The following GATA3 variants were observed in gnomAD, a reference collection of about 807,000 sequenced individuals.
GATA3 encodes GATA binding protein 3.
Under a neutral mutation model 36.0 loss-of-function variants are expected in GATA3, and 6 were observed. The observed-to-expected ratio is 0.17, with a 90% confidence interval of 0.09 to 0.33. The LOEUF is 0.33. GATA3 is among the 10% of genes least tolerant of loss of function. The pLI, the probability that GATA3 is intolerant of heterozygous loss-of-function variation, is 1.00. For missense variants in GATA3, 514 were observed against 610.1 expected (o/e 0.84, Z 1.66); for synonymous variants, 326 against 273.0 (o/e 1.19, Z -1.92).
At chr10:8,059,427 A>T (rs925617777) in intron 3 of GATA3, among the ~76,000 whole-genome samples, 2 of 152,252 alleles carry the variant, frequency 1.3e-5, no homozygotes, top group African/African-American at 4.8e-5. Flanking sequence ...TCTCAGCTGA[A>T]CTGGGAGAAA....
In GATA3 at chr10:8,058,465, C is replaced by A; in HGVS notation, c.402C>A (p.Pro134=). 4 of 1,612,826 alleles carry A rather than the reference C, an allele frequency of 2.5e-6. No homozygotes were observed. Among genetic ancestry groups the A allele is most frequent in the Non-Finnish European group, 3.4e-6 (4 of 1,179,866 alleles). Residue 134 remains proline (P), a synonymous_variant, in exon 3 of 6, where the codon CCC becomes CCA. Transcript: ENST00000379328. ...HGSPGPLSVY[P]PASSSSLSGG... ...CCCCGGGGCCCCTCTCCGTCTACCC[C>A]CCGGCCTCGTCCTCCTCCTTGTCGG...
At position 8,058,474 on chromosome 10, in the gene GATA3, G is replaced by C. The variant is rs745734873; in HGVS notation, c.411G>C (p.Ser137=). 15 of 1,612,468 alleles carry C rather than the reference G, an allele frequency of 9.3e-6. No individual in the cohort carries two copies. The highest frequency in any genetic ancestry group is 1.3e-5 in the Non-Finnish European group (15 of 1,179,794). The change falls in exon 3 of 6, where the codon TCG becomes TCC. Residue 137 remains serine (S), a synonymous_variant. Transcript: ENST00000379328. ...PGPLSVYPPA[S]SSSLSGGHAS... ...CCCTCTCCGTCTACCCCCCGGCCTC[G>C]TCCTCCTCCTTGTCGGGGGGCCACG...
intron 1 of GATA3, among the ~76,000 whole-genome samples, chr10:8,048,239 G>C (rs1405925216): frequency 6.6e-6 from 1 of 152,352 alleles, no homozygotes; most frequent in Middle Eastern, 3.4e-3. Flanking sequence ...GGGCTCAGGA[G>C]CTGGGTGGCT....
chr10:8,069,462 C>G lies in GATA3; in HGVS notation c.925-11C>G, dbSNP rs890752735. The G allele has an allele frequency of 1.2e-6, 2 of 1,613,312 alleles. No individual in the cohort carries two copies. Among genetic ancestry groups the G allele is most frequent in the Admixed American group, 1.7e-5 (1 of 59,992 alleles). ...TTTTGATTTCACCCTCTCCTCTCTC[C>G]CCACTCTCAGTCTGCAGCCAGGAGA... On this transcript the variant is annotated splice_polypyrimidine_tract_variant and intron_variant, in intron 4 of 5. Coordinates refer to ENST00000379328, the MANE Select transcript of GATA3 (RefSeq NM_001002295.2).
intron 2 of GATA3, among the ~76,000 whole-genome samples, chr10:8,057,312 G>T (rs1045044878): frequency 6.6e-6 from 1 of 152,158 alleles, no homozygotes; most frequent in Non-Finnish European, 1.5e-5. Context: ...GTGTGGATTT[G>T]CACTTGCTTT....
chr10:8,049,049 C>T (rs972489364), upstream of GATA3, among the ~76,000 whole-genome samples: 3 of 148,786 alleles, frequency 2.0e-5, no homozygotes, highest in Non-Finnish European at 4.5e-5. Flanking sequence ...GGTTTCCTTC[C>T]GAGTTTTAAA....
rs944141505 is a variant in GATA3 at position 8,074,762 on chromosome 10, T to C, written c.*739T>C. On this transcript the variant is annotated 3_prime_UTR_variant, in exon 6 of 6. Transcript: ENST00000379328. ...GATGTAGATTTATTTCATCATATTATACAGACCGAACTGTTGTATAAATTT... is the reference window on the plus strand; with the variant it reads ...GATGTAGATTTATTTCATCATATTACACAGACCGAACTGTTGTATAAATTT... 134 of 233,744 alleles carry C rather than the reference T, an allele frequency of 5.7e-4. No individual in the cohort carries two copies. The highest frequency in any genetic ancestry group is 8.4e-4 in the Non-Finnish European group (99 of 118,058). 14.5% of individuals were successfully genotyped at this position (233,744 alleles called of 1,614,324 possible). A position where few individuals can be genotyped will look rare whatever the true frequency, so the allele number is the denominator to read the frequency against.
At position 8,058,293 on chromosome 10, in the gene GATA3, G is replaced by A. The variant is rs765994796; in HGVS notation, c.242-12G>A. On this transcript the variant is annotated splice_polypyrimidine_tract_variant and intron_variant, in intron 2 of 5. Coordinates refer to ENST00000379328, the MANE Select transcript of GATA3 (RefSeq NM_001002295.2). The stretch of plus-strand genomic sequence containing the variant: ...TCCTTCTCTCTCCTGCCCTTTCCCC[G>A]TTGCCCCACAGGGAGCCAGGTGTGC... 7 of 1,613,344 alleles carry A rather than the reference G, an allele frequency of 4.3e-6. No homozygotes were observed. Among genetic ancestry groups the A allele is most frequent in the South Asian group, 3.3e-5 (3 of 91,078 alleles).
At chr10:8,065,978 AAAAG>A (rs1358869241) in intron 4 of GATA3, among the ~76,000 whole-genome samples, 38 of 147,680 alleles carry the variant, frequency 2.6e-4, no homozygotes, top group African/African-American at 7.9e-4. Context: ...AAAAAAAAAA[AAAAG>A]AGAGAGAGAG....
At chr10:8,062,375 T>A (rs1227050362) in intron 3 of GATA3, among the ~76,000 whole-genome samples, 5 of 150,840 alleles carry the variant, frequency 3.3e-5, no homozygotes, top group African/African-American at 1.2e-4. Flanking sequence ...TTTTTTTTTT[T>A]TTAAAAAACA....
chr10:8,073,793 A>G lies in GATA3; in HGVS notation c.1105A>G (p.Met369Val), dbSNP rs2131520462. The change falls in exon 6 of 6, where the codon ATG becomes GTG. Residue 369 changes from methionine to valine, a missense_variant. Met to Val is a conservative substitution (Grantham distance 21). This residue lies in a region of GATA3 where 89 missense variants were observed against 104.2 expected (regional missense o/e 0.85). Coordinates refer to ENST00000379328, the MANE Select transcript of GATA3 (RefSeq NM_001002295.2). ...KEGIQTRNRK[M>V]SSKSKKCKKV... is the part of the protein sequence containing the mutation. ...AGGCATCCAGACCAGAAACCGAAAA[A>G]TGTCTAGCAAATCCAAAAAGTGCAA... 1 of 1,614,136 alleles carries G rather than the reference A, an allele frequency of 6.2e-7. No individual in the cohort carries two copies. The highest frequency in any genetic ancestry group is 8.5e-7 in the Non-Finnish European group (1 of 1,180,022).
chr10:8,073,279 C>T (rs1425830812), intron 5 of GATA3, among the ~76,000 whole-genome samples: 1 of 151,684 alleles, frequency 6.6e-6, no homozygotes, highest in Non-Finnish European at 1.5e-5. Context: ...GAGAGGCAAC[C>T]GAAAGTTACT....
At chr10:8,050,527 C>T (rs1832456903), upstream of GATA3, 2 of 159,712 alleles carry the variant, frequency 1.3e-5, no homozygotes, top group South Asian at 1.7e-4. Context: ...GACTTCTCCT[C>T]CCCCAGGCCC....
At chr10:8,067,541 G>A (rs916415968) in intron 4 of GATA3, among the ~76,000 whole-genome samples, 10 of 152,122 alleles carry the variant, frequency 6.6e-5, no homozygotes, top group East Asian at 1.9e-4. Context: ...ATCCCAGGCC[G>A]GGTGCGGTGG....
At position 8,058,291 on chromosome 10, in the gene GATA3, C is replaced by G. The variant is rs929284030; in HGVS notation, c.242-14C>G. The G allele has an allele frequency of 5.0e-6, 8 of 1,613,432 alleles. No individual in the cohort carries two copies. The highest frequency in any genetic ancestry group is 6.8e-6 in the Non-Finnish European group (8 of 1,179,982). On this transcript the variant is annotated splice_polypyrimidine_tract_variant and intron_variant, in intron 2 of 5. Coordinates refer to ENST00000379328, the MANE Select transcript of GATA3 (RefSeq NM_001002295.2). ...CCTCCTTCTCTCTCCTGCCCTTTCC[C>G]CGTTGCCCCACAGGGAGCCAGGTGT...
chr10:8,050,919 C>T (rs769723079), upstream of GATA3: 6 of 463,880 alleles, frequency 1.3e-5, no homozygotes, highest in East Asian at 4.0e-4. Flanking sequence ...GGGCAGCGCG[C>T]GGGCGCCCGG....
At chr10:8,066,074 TC>T (rs146195032) in intron 4 of GATA3, among the ~76,000 whole-genome samples, 5,887 of 103,854 alleles carry the variant, frequency 0.057, 385 homozygotes, top group African/African-American at 0.16. Flanking sequence ...TTTTGTTTTT[TC>T]TGTTTTTTTT....
In GATA3 at chr10:8,067,815, C is replaced by T. The variant is rs545522851; in HGVS notation, c.925-1658C>T. On this transcript the variant is annotated intron_variant, in intron 4 of 5. Coordinates refer to ENST00000379328, the MANE Select transcript of GATA3 (RefSeq NM_001002295.2). Reference sequence around the variant, plus strand: ...CCTGGGCGACAGAGCGAGACTCCGTCTCAGAAACAAAAGAAAACATAACAA... The same window carrying T: ...CCTGGGCGACAGAGCGAGACTCCGTTTCAGAAACAAAAGAAAACATAACAA... 2.0e-5 allele frequency among the ~76,000 whole-genome samples: 3 copies of T among 148,750 alleles called. No individual in the cohort carries two copies. The South Asian group carries it at 6.7e-4, about 33-fold the overall frequency.
upstream of GATA3, among the ~76,000 whole-genome samples, chr10:8,049,814 CCCACCATAGGGAAGGAAA>C (rs942408105): frequency 5.9e-5 from 9 of 152,266 alleles, no homozygotes; most frequent in Admixed American, 3.9e-4. Context: ...TGCCCCTCCT[CCCACCATAGGGAAGGAAA>C]TATGGACATG....
Sources: gnomAD v4.1 joint callset for allele counts (sites outside exome capture counted in the v4.1 genomes callset) on GRCh38, gnomAD v4.1.1 for gene constraint, gnomAD v4.1.1 regional missense constraint, MANE v1.5 for transcripts, NCBI Gene and HGNC (gene_info 2026-07-23, HGNC 2026-07-21) for gene names.